The following RBM20 variants were observed in gnomAD, a reference collection of about 807,000 sequenced individuals.
RBM20 encodes the protein RNA-binding protein 20.
Under a neutral mutation model 110.1 loss-of-function variants are expected in RBM20, and 51 were observed. The observed-to-expected ratio is 0.46, with a 90% CI of 0.37 to 0.59. The LOEUF is 0.59. Ranked by LOEUF, RBM20 falls within the 20% of genes least tolerant of loss-of-function variation. RBM20 has a pLI of 0.00. For synonymous variants in RBM20, 589 were observed against 618.2 expected (o/e 0.95, Z 0.70); for missense variants, 1,512 against 1,574.9 (o/e 0.96, Z 0.68).
chr10:110,812,965 C>T lies in RBM20; in HGVS notation c.2550+18C>T. ...AGAATGAGGTAATGATCAATTTCTTCCCCAGGTAAGGCGAGGCAGGCCCTG... is the reference window on the plus strand; with the variant it reads ...AGAATGAGGTAATGATCAATTTCTTTCCCAGGTAAGGCGAGGCAGGCCCTG... On this transcript the variant is annotated intron_variant, in intron 9 of 13. Transcript: ENST00000369519. 1 of 1,434,698 alleles carries T rather than the reference C, an allele frequency of 7.0e-7. No individual in the cohort carries two copies. Among genetic ancestry groups the T allele is most frequent in the Non-Finnish European group, 9.2e-7 (1 of 1,087,936 alleles). The allele number at this position is 1,434,698 out of a possible 1,614,324, so 88.9% of individuals were successfully genotyped here.
intron 1 of RBM20, among the ~76,000 whole-genome samples, chr10:110,744,942 A>G (rs1429504019): frequency 6.6e-6 from 1 of 152,216 alleles, no homozygotes; most frequent in Non-Finnish European, 1.5e-5. Context: ...CTGTCCTCCC[A>G]GCACCAAAAG....
rs138993038 is a variant in RBM20 at position 110,787,678 on chromosome 10, G to A, written c.1527+2789G>A. Among the ~76,000 whole-genome samples the A allele has an allele frequency of 3.3e-5, 5 of 152,306 alleles. No individual in the cohort carries two copies. In the East Asian group the frequency reaches 7.7e-4, roughly 23 times the overall value. ...GTGTGTTGATTCTAATTAATTCCTC[G>A]AAGCTCTGAGTGCCACTTCCTCCGA... is the stretch of plus-strand genomic sequence containing the variant. On this transcript the variant is annotated intron_variant, in intron 5 of 13. Coordinates refer to ENST00000369519, the MANE Select transcript of RBM20 (RefSeq NM_001134363.3).
intron 5 of RBM20, among the ~76,000 whole-genome samples, chr10:110,796,279 A>C (rs1466513995): frequency 2.6e-5 from 4 of 152,202 alleles, no homozygotes; most frequent in Non-Finnish European, 5.9e-5. Context: ...GATATTCTTT[A>C]AGCATTTTTT....
At chr10:110,761,466 T>G (rs1300072191) in intron 1 of RBM20, among the ~76,000 whole-genome samples, 2 of 140,034 alleles carry the variant, frequency 1.4e-5, no homozygotes, top group Non-Finnish European at 3.1e-5. Context: ...AATGGCAGCA[T>G]AGTATGTCCT....
chr10:110,766,119 A>G (rs1227000731), intron 1 of RBM20, among the ~76,000 whole-genome samples: 1 of 152,112 alleles, frequency 6.6e-6, no homozygotes, highest in African/African-American at 2.4e-5. Context: ...AGTAAAAAAA[A>G]TCAGTCTTCA....
At chr10:110,731,757 T>C (rs1843622930) in intron 1 of RBM20, among the ~76,000 whole-genome samples, 1 of 152,234 alleles carries the variant, frequency 6.6e-6, no homozygotes, top group Admixed American at 6.5e-5. Context: ...GCTGCATTTT[T>C]TTGTCCACTT....
intron 1 of RBM20, among the ~76,000 whole-genome samples, chr10:110,675,603 C>T (rs959322937): frequency 1.3e-5 from 2 of 152,310 alleles, no homozygotes; most frequent in East Asian, 3.9e-4. Context: ...AGGCAGCTTG[C>T]TTTCAGAGTC....
intron 9 of RBM20, among the ~76,000 whole-genome samples, chr10:110,814,438 G>C (rs1211628294): frequency 6.6e-6 from 1 of 152,176 alleles, no homozygotes; most frequent in Non-Finnish European, 1.5e-5. Flanking sequence ...TAGCTGCTCA[G>C]AGAGGGTGAT....
At chr10:110,718,444 T>C (rs1446008140) in intron 1 of RBM20, among the ~76,000 whole-genome samples, 1 of 152,130 alleles carries the variant, frequency 6.6e-6, no homozygotes, top group Admixed American at 6.5e-5. Context: ...TATAAACTTC[T>C]AGCCCTTTTT....
chr10:110,727,038 G>C lies in RBM20; in HGVS notation c.192-53763G>C, dbSNP rs538510795. ...ATTTTTTGTGTTTTTAGCAGAGACAGGGTTTCGTCATGTTGGCCAGGCTGG... is the reference window on the plus strand; with the variant it reads ...ATTTTTTGTGTTTTTAGCAGAGACACGGTTTCGTCATGTTGGCCAGGCTGG... On this transcript the variant is annotated intron_variant, in intron 1 of 13. Transcript: ENST00000369519. Among the ~76,000 whole-genome samples, 5 of 152,024 alleles carry C rather than the reference G, an allele frequency of 3.3e-5. No homozygotes were observed. The South Asian group carries it at 1.0e-3, about 32-fold the overall frequency.
Position 110,704,606 on chromosome 10 carries a change from A to G in RBM20, c.191+59961A>G, listed in dbSNP as rs560421360. 5.1e-4 allele frequency among the ~76,000 whole-genome samples: 77 copies of G among 152,338 alleles called. 2 individuals are homozygous for G. In the South Asian group the frequency reaches 0.015, roughly 30 times the overall value. On this transcript the variant is annotated intron_variant, in intron 1 of 13. Coordinates refer to ENST00000369519, the MANE Select transcript of RBM20 (RefSeq NM_001134363.3). ...TTAAAACAGACCACTGGCTTTTACA[A>G]TGTATCCAGGACTGTGTAAGAGGAA...
intron 1 of RBM20, among the ~76,000 whole-genome samples, chr10:110,675,441 A>C (rs1161072026): frequency 1.3e-5 from 2 of 152,160 alleles, no homozygotes; most frequent in Non-Finnish European, 2.9e-5. Context: ...AGGACTTTAC[A>C]TGTAGTATCT....
intron 11 of RBM20, chr10:110,822,329 G>C (rs1420929186): frequency 4.6e-6 from 2 of 435,508 alleles, no homozygotes; most frequent in African/African-American, 4.0e-5. Context: ...GGGGGCAAGA[G>C]TAGGGGATAC....
At chr10:110,808,016 G>A (rs1844717268) in intron 7 of RBM20, among the ~76,000 whole-genome samples, 1 of 152,220 alleles carries the variant, frequency 6.6e-6, no homozygotes, top group African/African-American at 2.4e-5. Context: ...CTGCTCCCCT[G>A]GTGCCTGTGT....
At chr10:110,663,794 C>T (rs1862139868) in intron 1 of RBM20, among the ~76,000 whole-genome samples, 2 of 152,122 alleles carry the variant, frequency 1.3e-5, no homozygotes, top group Non-Finnish European at 2.9e-5. Context: ...GTATATCTTA[C>T]CGTCAACGTG....
intron 1 of RBM20, among the ~76,000 whole-genome samples, chr10:110,670,004 G>A (rs1862235238): frequency 6.6e-6 from 1 of 152,044 alleles, no homozygotes. Context: ...GTTTGCTTTG[G>A]TTTTAACCAT....
chr10:110,654,779 A>G (rs1272178997), intron 1 of RBM20, among the ~76,000 whole-genome samples: 1 of 152,218 alleles, frequency 6.6e-6, no homozygotes, highest in East Asian at 1.9e-4. Flanking sequence ...GGCATGATCT[A>G]TGTTCTGGAT....
chr10:110,805,795 G>C (rs1564852181), intron 7 of RBM20, among the ~76,000 whole-genome samples: 1 of 152,216 alleles, frequency 6.6e-6, no homozygotes, highest in African/African-American at 2.4e-5. Context: ...CTTAAAAGCA[G>C]CAAGATGTGT....
intron 1 of RBM20, among the ~76,000 whole-genome samples, chr10:110,762,077 A>T (rs1458542462): frequency 6.6e-6 from 1 of 152,218 alleles, no homozygotes; most frequent in Non-Finnish European, 1.5e-5. Flanking sequence ...GAGGTGCTTT[A>T]GTGGAAATAC....
Sources: gnomAD v4.1 joint callset for allele counts (sites outside exome capture counted in the v4.1 genomes callset) on GRCh38, gnomAD v4.1.1 for gene constraint, MANE v1.5 for transcripts, NCBI Gene and HGNC (gene_info 2026-07-23, HGNC 2026-07-21) for gene names.